The following PTPRG variants were observed in gnomAD, a reference collection of about 807,000 sequenced individuals.
PTPRG encodes the protein protein tyrosine phosphatase receptor type G, also known as receptor-type tyrosine-protein phosphatase gamma.
A neutral mutation model predicts 165.3 loss-of-function variants in PTPRG; 102 were observed. The ratio of observed to expected loss-of-function variants is 0.62; its 90% CI spans 0.53 to 0.73. The LOEUF (loss-of-function observed/expected upper bound fraction) is 0.73, where lower values mean the gene tolerates loss of function less well. Among genes scored for constraint, PTPRG ranks in the 30% least tolerant of loss-of-function variants. PTPRG has a pLI of 0.00. For synonymous variants in PTPRG, 675 were observed against 669.5 expected (o/e 1.01, Z -0.13); for missense variants, 1,866 against 1,861.4 (o/e 1.00, Z -0.05).
At chr3:62,114,115 A>C in intron 5 of PTPRG, among the ~76,000 whole-genome samples, 1 of 152,192 alleles carries the variant, frequency 6.6e-6, no homozygotes, top group East Asian at 1.9e-4. Flanking sequence ...CCTGGCCAAC[A>C]TGGTGAAACC....
intron 15 of PTPRG, among the ~76,000 whole-genome samples, chr3:62,248,009 A>G (rs1371381494): frequency 7.6e-6 from 1 of 130,726 alleles, no homozygotes; most frequent in African/African-American, 3.1e-5. Flanking sequence ...ACAGTGTTTT[A>G]AGAACGAAGA....
intron 2 of PTPRG, among the ~76,000 whole-genome samples, chr3:61,905,615 TTC>T (rs1470576301): frequency 6.6e-6 from 1 of 152,202 alleles, no homozygotes; most frequent in Non-Finnish European, 1.5e-5. Flanking sequence ...CTCCGGAGCA[TTC>T]TGTGTTTTGG....
chr3:61,787,963 TCAGA>T (rs2034759726), intron 2 of PTPRG, among the ~76,000 whole-genome samples: 1 of 152,140 alleles, frequency 6.6e-6, no homozygotes, highest in South Asian at 2.1e-4. Context: ...TCCCGCTATC[TCAGA>T]CAAACTTGTG....
chr3:61,677,751 G>C (rs950051551), intron 1 of PTPRG, among the ~76,000 whole-genome samples: 2 of 152,190 alleles, frequency 1.3e-5, no homozygotes, highest in South Asian at 2.1e-4. Context: ...TGGTAGAGTG[G>C]CTTGCTTATT....
intron 2 of PTPRG, among the ~76,000 whole-genome samples, chr3:61,936,487 CAAAT>C (rs1373074626): frequency 6.6e-6 from 1 of 152,148 alleles, no homozygotes; most frequent in African/African-American, 2.4e-5. Context: ...TACTGTGCAT[CAAAT>C]AAATAAAAGC....
chr3:62,223,499 C>T (rs1175456771), intron 13 of PTPRG, among the ~76,000 whole-genome samples: 1 of 151,938 alleles, frequency 6.6e-6, no homozygotes, highest in Non-Finnish European at 1.5e-5. Flanking sequence ...ATTGGGGGGG[C>T]GGAGTCTAAA....
chr3:61,905,569 G>A (rs59127258), intron 2 of PTPRG, among the ~76,000 whole-genome samples: 207 of 152,236 alleles, frequency 1.4e-3, no homozygotes, highest in African/African-American at 4.6e-3. Context: ...TGTTAGACAC[G>A]TAACACAAAT....
At chr3:61,922,628 T>C (rs2039106317) in intron 2 of PTPRG, among the ~76,000 whole-genome samples, 1 of 152,222 alleles carries the variant, frequency 6.6e-6, no homozygotes, top group Admixed American at 6.5e-5. Flanking sequence ...TATAACTTGC[T>C]CCTTAGCTCA....
intron 2 of PTPRG, among the ~76,000 whole-genome samples, chr3:61,970,848 A>G (rs1283671734): frequency 6.6e-6 from 1 of 152,222 alleles, no homozygotes; most frequent in Non-Finnish European, 1.5e-5. Context: ...TATACCTGCC[A>G]CTTATTCCTG....
intron 1 of PTPRG, among the ~76,000 whole-genome samples, chr3:61,609,916 A>T (rs563198431): frequency 4.3e-4 from 65 of 151,704 alleles, no homozygotes; most frequent in Non-Finnish European, 7.8e-4. Flanking sequence ...ATTCTTTCCA[A>T]CTTTTTTCCA....
chr3:61,679,982 T>G (rs1470442297), intron 1 of PTPRG, among the ~76,000 whole-genome samples: 2 of 152,160 alleles, frequency 1.3e-5, no homozygotes, highest in Non-Finnish European at 2.9e-5. Flanking sequence ...ATTTTCTCTT[T>G]CTCAATTTCG....
intron 2 of PTPRG, among the ~76,000 whole-genome samples, chr3:61,836,406 G>A (rs994139390): frequency 6.6e-6 from 1 of 152,160 alleles, no homozygotes; most frequent in African/African-American, 2.4e-5. Context: ...GAGGCCTGGT[G>A]TTGATCTACA....
rs76757409 is a variant in PTPRG at position 61,731,778 on chromosome 3, C to T, written c.86-17100C>T. Among the ~76,000 whole-genome samples the T allele has an allele frequency of 7.2e-3, 1,090 of 151,984 alleles. 20 individuals carry two copies. The highest frequency in any genetic ancestry group is 0.024 in the African/African-American group (1,009 of 41,476). On this transcript the variant is annotated intron_variant, in intron 1 of 29. Transcript: ENST00000474889. ...TCTCCACTGTCCAGTAGGAATGGAA[C>T]GTGAACTGCATAGGTACTTTTTTTT...
At chr3:61,863,017 T>A (rs1431943879) in intron 2 of PTPRG, among the ~76,000 whole-genome samples, 1 of 151,718 alleles carries the variant, frequency 6.6e-6, no homozygotes, top group African/African-American at 2.4e-5. Flanking sequence ...ATAAAATCTA[T>A]GAGGGCGAAC....
intron 6 of PTPRG, among the ~76,000 whole-genome samples, chr3:62,146,465 G>T (rs1258997735): frequency 3.3e-5 from 5 of 152,020 alleles, no homozygotes; most frequent in Non-Finnish European, 7.4e-5. Context: ...CCATAGTATG[G>T]GCCCCGGGAT....
chr3:61,753,648 G>C lies in PTPRG; in HGVS notation c.190+4666G>C, dbSNP rs537767079. 6 of 430,918 alleles carry C rather than the reference G, an allele frequency of 1.4e-5. No homozygotes were observed. The East Asian group carries it at 4.4e-4, about 32-fold the overall frequency. The allele number at this position is 430,918 out of a possible 1,614,324, so 26.7% of individuals were successfully genotyped here. On this transcript the variant is annotated intron_variant, in intron 2 of 29. Coordinates refer to ENST00000474889, the MANE Select transcript of PTPRG (RefSeq NM_002841.4). Reference sequence around the variant, plus strand: ...CACCCAGGCTGGAGTGCAGTGCCTCGATCTCAGCTCACTGCAACCCCCCAA... The same window carrying C: ...CACCCAGGCTGGAGTGCAGTGCCTCCATCTCAGCTCACTGCAACCCCCCAA...
At chr3:61,937,343 C>A (rs2039505313) in intron 2 of PTPRG, among the ~76,000 whole-genome samples, 1 of 152,144 alleles carries the variant, frequency 6.6e-6, no homozygotes, top group South Asian at 2.1e-4. Flanking sequence ...CGCAAAGTGT[C>A]CTTTTGAATC....
chr3:61,695,300 C>T (rs534691241), intron 1 of PTPRG, among the ~76,000 whole-genome samples: 61 of 152,286 alleles, frequency 4.0e-4, no homozygotes, highest in African/African-American at 1.4e-3. Flanking sequence ...TGTGAGCCAC[C>T]GCGCCTGGCG....
At chr3:61,800,747 G>T (rs1436627744) in intron 2 of PTPRG, among the ~76,000 whole-genome samples, 5 of 151,608 alleles carry the variant, frequency 3.3e-5, no homozygotes, top group East Asian at 1.9e-4. Flanking sequence ...GGGTTCAAGT[G>T]ATTCTCCTGC....
Sources: gnomAD v4.1 joint callset for allele counts (sites outside exome capture counted in the v4.1 genomes callset) on GRCh38, gnomAD v4.1.1 for gene constraint, MANE v1.5 for transcripts, NCBI Gene and HGNC (gene_info 2026-07-23, HGNC 2026-07-21) for gene names.